Variants in ATP2A2 observed in about 807,000 individuals in gnomAD.
The protein encoded by ATP2A2 is sarcoplasmic/endoplasmic reticulum calcium ATPase 2.
In ATP2A2, 14 loss-of-function variants were observed where a neutral mutation model predicts 109.3. The observed-to-expected ratio is 0.13, with a 90% CI of 0.08 to 0.20. The LOEUF (loss-of-function observed/expected upper bound fraction) is 0.20, where lower values mean the gene tolerates loss of function less well. ATP2A2 is among the 10% of genes least tolerant of loss of function. ATP2A2 has a pLI of 1.00. For synonymous variants in ATP2A2, 506 were observed against 490.9 expected (o/e 1.03, Z -0.41); for missense variants, 657 against 1,321.6 (o/e 0.50, Z 7.80).
At position 110,342,146 on chromosome 12, in the gene ATP2A2, G is replaced by C; in HGVS notation, c.2098-82G>C. On this transcript the variant is annotated intron_variant, in intron 14 of 19. Coordinates refer to ENST00000539276, the MANE Select transcript of ATP2A2 (RefSeq NM_170665.4). The surrounding 1 kb of genome is among the most constrained non-coding windows in gnomAD (Gnocchi z 4.6). Reference sequence around the variant, plus strand: ...CTACGGCTCTATTCATTTTCCTCCTGCTTCCCATTCAGTGGGCTTTTGCCT... The same window carrying C: ...CTACGGCTCTATTCATTTTCCTCCTCCTTCCCATTCAGTGGGCTTTTGCCT... The C allele has an allele frequency of 2.0e-6, 3 of 1,490,166 alleles. No individual in the cohort carries two copies. Among genetic ancestry groups the C allele is most frequent in the Non-Finnish European group, 2.8e-6 (3 of 1,068,330 alleles). 92.3% of individuals were successfully genotyped at this position (1,490,166 alleles called of 1,614,324 possible). A position where few individuals can be genotyped will look rare whatever the true frequency, so the allele number is the denominator to read the frequency against.
rs931625338 is a variant in ATP2A2, at chr12:110,346,368, A to G, written c.3027A>G (p.Ala1009=). 7 of 1,613,980 alleles carry G rather than the reference A, an allele frequency of 4.3e-6. No homozygotes were observed. The highest frequency in any genetic ancestry group is 5.9e-6 in the Non-Finnish European group (7 of 1,179,974). ...CCACCAAATCCTGCTCGTTCTCGGC[A>G]TGCACCGATGGGATTTCCTGGCCGT... is the stretch of plus-strand genomic sequence containing the variant. ...QPATKSCSFS[A]CTDGISWPFV... is the part of the protein sequence containing the mutation. Residue 1009 remains alanine (A), a synonymous_variant, in exon 20 of 20, where the codon GCA becomes GCG. Transcript: ENST00000539276.
At chr12:110,318,294 A>G (rs1382553252) in intron 5 of ATP2A2, among the ~76,000 whole-genome samples, 1 of 152,206 alleles carries the variant, frequency 6.6e-6, no homozygotes, top group Non-Finnish European at 1.5e-5. Flanking sequence ...ATTGACTCTG[A>G]TATCAACAAA....
intron 5 of ATP2A2, among the ~76,000 whole-genome samples, chr12:110,314,826 G>A (rs1483861809): frequency 6.6e-6 from 1 of 150,474 alleles, no homozygotes; most frequent in South Asian, 2.1e-4. Flanking sequence ...TTTAGTGAAT[G>A]TTGTACATAA....
intron 8 of ATP2A2, chr12:110,331,759 T>C (rs1878363723): frequency 2.6e-5 from 4 of 152,252 alleles, no homozygotes; most frequent in African/African-American, 7.2e-5. Flanking sequence ...GACATCACTT[T>C]CTGTAATTTT....
At position 110,327,326 on chromosome 12, in the gene ATP2A2, C is replaced by A. The variant is rs1389867146; in HGVS notation, c.631-227C>A. Among the ~76,000 whole-genome samples the A allele has an allele frequency of 2.0e-5, 3 of 152,128 alleles. No homozygotes were observed. Among genetic ancestry groups the A allele is most frequent in the Non-Finnish European group, 4.4e-5 (3 of 68,024 alleles). ...GCTTGAAGATGGTCTGCAAGCCGGG[C>A]TCAAATAGAAATCTAGGTGGGTCAG... On this transcript the variant is annotated intron_variant, in intron 7 of 19. Transcript: ENST00000539276. The surrounding 1 kb of genome is among the most constrained non-coding windows in gnomAD (Gnocchi z 4.4).
In ATP2A2 at chr12:110,349,464, C is replaced by A. The variant is rs1302898015; in HGVS notation, c.*2994C>A. ...CCCAGAAGACCAACAATCATACATA[C>A]CCTAACTGGGACACCACTCTGCAGA... On this transcript the variant is annotated 3_prime_UTR_variant, in exon 20 of 20. Transcript: ENST00000539276. 1.0e-6 allele frequency: 1 copy of A among 985,560 alleles called. No homozygotes were observed. Among genetic ancestry groups the A allele is most frequent in the South Asian group, 4.7e-5 (1 of 21,290 alleles). The allele number at this position is 985,560 out of a possible 1,614,324, so 61.1% of individuals were successfully genotyped here.
chr12:110,341,264 G>A (rs1026068533), intron 14 of ATP2A2, among the ~76,000 whole-genome samples: 6 of 152,002 alleles, frequency 3.9e-5, no homozygotes, highest in Non-Finnish European at 7.4e-5. Flanking sequence ...AATGAGACGT[G>A]TTTTTATTGT....
intron 1 of ATP2A2, 71 bp downstream of exon 1, chr12:110,281,978 T>TCCAC: frequency 7.7e-7 from 1 of 1,303,104 alleles, no homozygotes; most frequent in Non-Finnish European, 1.0e-6. Context: ...CTGACCGGGC[T>TCCAC]CCACCTCGTG....
chr12:110,303,771 G>T (rs1353734232), intron 5 of ATP2A2, among the ~76,000 whole-genome samples: 1 of 151,664 alleles, frequency 6.6e-6, no homozygotes, highest in Non-Finnish European at 1.5e-5. Context: ...ATGTTGGCCC[G>T]GCAAGTCTTG....
intron 4 of ATP2A2, among the ~76,000 whole-genome samples, chr12:110,293,076 A>G (rs1873491925): frequency 6.6e-6 from 1 of 152,000 alleles, no homozygotes; most frequent in Admixed American, 6.6e-5. Flanking sequence ...GGACTGAAGT[A>G]GACCTTTTTT....
chr12:110,328,578 AAAG>A (rs1347354911), intron 8 of ATP2A2, among the ~76,000 whole-genome samples: 1 of 152,134 alleles, frequency 6.6e-6, no homozygotes, highest in Non-Finnish European at 1.5e-5. Context: ...AAAGAAAAGA[AAAG>A]AAAAAAGACA....
chr12:110,296,237 C>T, intron 4 of ATP2A2: 2 of 246,000 alleles, frequency 8.1e-6, no homozygotes, highest in Non-Finnish European at 1.6e-5. Context: ...GCCTCAGCCT[C>T]CTGAGCCCAG....
At chr12:110,281,018 GC>G (rs1314302634), upstream of ATP2A2, 1 of 151,814 alleles carries the variant, frequency 6.6e-6, no homozygotes, top group East Asian at 1.9e-4. Flanking sequence ...CTTCCCCTCC[GC>G]CAGCCCCGCG....
At position 110,348,870 on chromosome 12, in the gene ATP2A2, C is replaced by T; in HGVS notation, c.*2400C>T. The T allele has an allele frequency of 4.1e-6, 4 of 985,454 alleles. No homozygotes were observed. The highest frequency in any genetic ancestry group is 4.8e-6 in the Non-Finnish European group (4 of 829,952). The allele number at this position is 985,454 out of a possible 1,614,324, so 61.0% of individuals were successfully genotyped here. ...AGAAATGGGTTGAATGGGCCAAATGCAAGGAGTGCATCTCTGGGCTGCAAA... is the reference window on the plus strand; with the variant it reads ...AGAAATGGGTTGAATGGGCCAAATGTAAGGAGTGCATCTCTGGGCTGCAAA... On this transcript the variant is annotated 3_prime_UTR_variant, in exon 20 of 20. Transcript: ENST00000539276.
chr12:110,310,282 C>T (rs184382467), intron 5 of ATP2A2, among the ~76,000 whole-genome samples: 93 of 151,882 alleles, frequency 6.1e-4, no homozygotes, highest in African/African-American at 1.9e-3. Context: ...CCACCGTGCC[C>T]GGCCATGGTT....
intron 7 of ATP2A2, 151 bp downstream of exon 7, chr12:110,326,626 A>G: frequency 2.3e-6 from 2 of 860,368 alleles, no homozygotes; most frequent in Non-Finnish European, 3.7e-6. Context: ...TATGGCAGTA[A>G]CATAACGTGT....
intron 14 of ATP2A2, 137 bp downstream of exon 14, chr12:110,341,131 G>A (rs1056601998): frequency 5.4e-5 from 53 of 980,116 alleles, no homozygotes; most frequent in African/African-American, 1.5e-4. Flanking sequence ...TCTAGAATTC[G>A]GTGAATCAGT....
At chr12:110,285,065 C>T (rs765714823) in intron 3 of ATP2A2, among the ~76,000 whole-genome samples, 5 of 152,092 alleles carry the variant, frequency 3.3e-5, no homozygotes, top group Non-Finnish European at 7.4e-5. Context: ...AGTGACTAGG[C>T]GATTCTTATA....
At chr12:110,286,491 A>G (rs1872675089) in intron 3 of ATP2A2, among the ~76,000 whole-genome samples, 1 of 152,176 alleles carries the variant, frequency 6.6e-6, no homozygotes, top group Non-Finnish European at 1.5e-5. Context: ...TTAATAGAGT[A>G]CTTTTTAAAA....
Sources: allele counts gnomAD v4.1 joint callset (sites outside exome capture counted in the v4.1 genomes callset), GRCh38; gene constraint gnomAD v4.1.1; non-coding constraint Gnocchi (gnomAD v3.1); transcripts MANE v1.5; gene names NCBI Gene and HGNC (gene_info 2026-07-23, HGNC 2026-07-21).